Variants in HPSE2 observed in about 807,000 individuals in gnomAD.
The protein encoded by HPSE2 is heparanase 2 (inactive), also known as inactive heparanase-2.
HPSE2 carries 38 observed loss-of-function variants against 60.5 expected under a neutral mutation model. The observed-to-expected ratio is 0.63, with a 90% CI of 0.48 to 0.82. The LOEUF is 0.82. Ranked by LOEUF, HPSE2 falls within the 40% of genes least tolerant of loss-of-function variation. HPSE2 has a pLI of 0.00. For missense variants in HPSE2, 713 were observed against 740.4 expected (o/e 0.96, Z 0.43); for synonymous variants, 295 against 293.2 (o/e 1.01, Z -0.06).
intron 5 of HPSE2, among the ~76,000 whole-genome samples, chr10:98,705,273 T>G (rs1948517478): frequency 6.6e-6 from 1 of 152,178 alleles, no homozygotes; most frequent in Non-Finnish European, 1.5e-5. Context: ...CTGGCGAAGC[T>G]GCGGAGAAAT....
chr10:99,301,634 G>T, the HPSE2 span, among the ~76,000 whole-genome samples: 6 of 152,256 alleles, frequency 3.9e-5, no homozygotes, highest in Admixed American at 3.3e-4. Flanking sequence ...TAACTCAAAG[G>T]TTAGGGAATA....
chr10:98,712,239 T>C (rs901913529), intron 5 of HPSE2, among the ~76,000 whole-genome samples: 2 of 151,866 alleles, frequency 1.3e-5, no homozygotes, highest in Non-Finnish European at 2.9e-5. Flanking sequence ...ACATCCTCCA[T>C]TATAATGACA....
chr10:98,521,597 C>G (rs1275166524), intron 9 of HPSE2, among the ~76,000 whole-genome samples: 1 of 152,154 alleles, frequency 6.6e-6, no homozygotes, highest in African/African-American at 2.4e-5. Context: ...GGATCTAGAA[C>G]TAGAAATACC....
At chr10:98,842,336 A>T (rs1178374748) in intron 3 of HPSE2, among the ~76,000 whole-genome samples, 2 of 152,168 alleles carry the variant, frequency 1.3e-5, no homozygotes, top group Non-Finnish European at 2.9e-5. Context: ...TGACAACATA[A>T]TGCAGGCTCC....
At chr10:98,892,434 TAACTC>T (rs1479089612) in intron 3 of HPSE2, among the ~76,000 whole-genome samples, 2 of 152,310 alleles carry the variant, frequency 1.3e-5, no homozygotes, top group Admixed American at 6.5e-5. Context: ...ACCTTCTACT[TAACTC>T]AGCAAATATT....
chr10:99,308,378 T>C, the HPSE2 span, among the ~76,000 whole-genome samples: 1 of 4,466 alleles, frequency 2.2e-4, no homozygotes, highest in Non-Finnish European at 6.2e-4. Context: ...AGACTCTGTC[T>C]CAAAAAAAAA....
chr10:98,974,283 TG>T (rs1331798561), intron 3 of HPSE2, among the ~76,000 whole-genome samples: 1 of 151,288 alleles, frequency 6.6e-6, no homozygotes, highest in Non-Finnish European at 1.5e-5. Flanking sequence ...AGAGTGACTC[TG>T]GAAAAAAAAA....
chr10:98,960,002 C>T (rs900254859), intron 3 of HPSE2, among the ~76,000 whole-genome samples: 1 of 152,068 alleles, frequency 6.6e-6, no homozygotes, highest in Non-Finnish European at 1.5e-5. Context: ...CCTCAGACAC[C>T]ACTTCTTCCA....
At chr10:99,292,553 T>A in the HPSE2 span, among the ~76,000 whole-genome samples, 1 of 152,138 alleles carries the variant, frequency 6.6e-6, no homozygotes, top group African/African-American at 2.4e-5. Context: ...AGAGCAGTGT[T>A]GTCCATCAGA....
chr10:98,937,337 G>C (rs1312515137), intron 3 of HPSE2, among the ~76,000 whole-genome samples: 2 of 144,624 alleles, frequency 1.4e-5, no homozygotes, highest in Non-Finnish European at 3.0e-5. Flanking sequence ...CCTAGTCAAA[G>C]AAAGGGGTGA....
chr10:98,853,673 T>C (rs1432547333), intron 3 of HPSE2, among the ~76,000 whole-genome samples: 1 of 152,160 alleles, frequency 6.6e-6, no homozygotes, highest in Non-Finnish European at 1.5e-5. Flanking sequence ...ATTGCATATA[T>C]TTGAAACATA....
intron 3 of HPSE2, among the ~76,000 whole-genome samples, chr10:98,840,492 G>A (rs1198062954): frequency 6.6e-6 from 1 of 152,202 alleles, no homozygotes; most frequent in East Asian, 1.9e-4. Context: ...TTGCAGAAGA[G>A]AGATAATAAG....
At chr10:98,960,837 C>T (rs1381270792) in intron 3 of HPSE2, among the ~76,000 whole-genome samples, 1 of 146,160 alleles carries the variant, frequency 6.8e-6, no homozygotes, top group African/African-American at 2.5e-5. Flanking sequence ...GCGCTGCACC[C>T]ACTAATGAGT....
intron 3 of HPSE2, among the ~76,000 whole-genome samples, chr10:98,889,772 A>G (rs944701630): frequency 2.0e-5 from 3 of 152,262 alleles, no homozygotes; most frequent in East Asian, 3.9e-4. Context: ...GCAAAATTCT[A>G]TCATTAACTA....
intron 3 of HPSE2, among the ~76,000 whole-genome samples, chr10:98,921,615 A>G (rs2135064811): frequency 6.6e-6 from 1 of 152,138 alleles, no homozygotes; most frequent in African/African-American, 2.4e-5. Flanking sequence ...ACATCTGTAA[A>G]CCCCCAATTT....
chr10:99,242,610 C>T, the HPSE2 span, among the ~76,000 whole-genome samples: 1 of 152,280 alleles, frequency 6.6e-6, no homozygotes, highest in Non-Finnish European at 1.5e-5. Context: ...CTTTTACCAT[C>T]CCTGCCAATT....
chr10:99,247,664 T>A, the HPSE2 span, among the ~76,000 whole-genome samples: 3 of 152,186 alleles, frequency 2.0e-5, no homozygotes, highest in African/African-American at 7.2e-5. Context: ...ATCTCACACA[T>A]AATGACACCC....
In HPSE2 at chr10:98,904,832, C is replaced by G. The variant is rs189356910; in HGVS notation, c.611-160776G>C. Among the ~76,000 whole-genome samples the G allele has an allele frequency of 2.3e-3, 353 of 152,250 alleles. 2 individuals carry two copies. Among genetic ancestry groups the G allele is most frequent in the African/African-American group, 8.2e-3 (342 of 41,554 alleles). On this transcript the variant is annotated intron_variant, in intron 3 of 11. Transcript: ENST00000370552. ...TAATGGTAAAAGTAAAATCACCCTA[C>G]AATACAAATTGTCTGGACAAACAAT...
At chr10:98,796,422 C>A (rs1206775561) in intron 3 of HPSE2, among the ~76,000 whole-genome samples, 1 of 152,322 alleles carries the variant, frequency 6.6e-6, no homozygotes, top group East Asian at 1.9e-4. Flanking sequence ...GGTGGCCACA[C>A]AGAAAGGCTC....
Sources: gnomAD v4.1 joint callset for allele counts (sites outside exome capture counted in the v4.1 genomes callset) on GRCh38, gnomAD v4.1.1 for gene constraint, MANE v1.5 for transcripts, NCBI Gene and HGNC (gene_info 2026-07-23, HGNC 2026-07-21) for gene names.